The following MAFK variants were observed in gnomAD, a reference collection of about 807,000 sequenced individuals.
MAFK encodes transcription factor MafK.
Under a neutral mutation model 9.2 loss-of-function variants are expected in MAFK, and 1 was observed. That is an observed-to-expected ratio of 0.11 (90% CI 0.04 to 0.52). The LOEUF (loss-of-function observed/expected upper bound fraction) is 0.52. Among genes scored for constraint, MAFK ranks in the 20% least tolerant of loss-of-function variants. The pLI, the probability that MAFK is intolerant of heterozygous loss-of-function variation, is 0.94. For missense variants in MAFK, 207 were observed against 236.0 expected, an observed-to-expected ratio of 0.88 and a Z score of 0.81; for synonymous variants, 110 against 107.4, an observed-to-expected ratio of 1.02 and a Z score of -0.15.
rs1783885890 is a variant in MAFK at position 1,530,866 on chromosome 7, C to A, written c.-77C>A. 7.0e-6 allele frequency: 1 copy of A among 143,588 alleles called. No homozygotes were observed. Among genetic ancestry groups the A allele is most frequent in the Admixed American group, 6.9e-5 (1 of 14,502 alleles). 8.9% of individuals were successfully genotyped at this position (143,588 alleles called of 1,614,324 possible). A position where few individuals can be genotyped will look rare whatever the true frequency, so the allele number is the denominator to read the frequency against. On this transcript the variant is annotated 5_prime_UTR_variant, in exon 1 of 3. Coordinates refer to ENST00000343242, the MANE Select transcript of MAFK (RefSeq NM_002360.4). ...AGGACAGCGCGTGCCCGCGAGGAGC[C>A]GCCGCGCGCCCGCGCCCTCCGCGCG...
rs778713521 is a variant in MAFK, at chr7:1,540,277, C to G, written c.373C>G (p.Pro125Ala). 5 of 1,611,462 alleles carry G rather than the reference C, an allele frequency of 3.1e-6. No individual in the cohort carries two copies. Among genetic ancestry groups the G allele is most frequent in the Non-Finnish European group, 8.5e-7 (1 of 1,179,332 alleles). ...QTFARTVARG[P>A]VAPSKVATTS... ...CTTCGCGCGCACCGTGGCCCGGGGA[C>G]CTGTGGCGCCCTCCAAGGTGGCCAC... Residue 125 changes from proline to alanine, a missense_variant, in exon 3 of 3, where the codon CCT (proline) becomes GCT (alanine). Physicochemically the swap from Pro to Ala is conservative, Grantham distance 27. Coordinates refer to ENST00000343242, the MANE Select transcript of MAFK (RefSeq NM_002360.4).
At chr7:1,535,386 G>A (rs1197479063) in intron 1 of MAFK, among the ~76,000 whole-genome samples, 1 of 152,208 alleles carries the variant, frequency 6.6e-6, no homozygotes, top group Non-Finnish European at 1.5e-5. Flanking sequence ...CGGGCATGGT[G>A]GCTCATACCT....
rs1784172178 is a variant in MAFK, at chr7:1,541,032, A to G, written c.*657A>G. ...CTGTGTGTGTGCACGCACGCCTGCCATCAAAGCAGCAGGGCTGAGGGGGTG... is the reference window on the plus strand; with the variant it reads ...CTGTGTGTGTGCACGCACGCCTGCCGTCAAAGCAGCAGGGCTGAGGGGGTG... On this transcript the variant is annotated 3_prime_UTR_variant, in exon 3 of 3. Transcript: ENST00000343242. 1 of 153,434 alleles carries G rather than the reference A, an allele frequency of 6.5e-6. No homozygotes were observed. Among genetic ancestry groups the G allele is most frequent in the Non-Finnish European group, 1.5e-5 (1 of 68,546 alleles). The allele number at this position is 153,434 out of a possible 1,614,324, so 9.5% of individuals were successfully genotyped here. A position where few individuals can be genotyped will look rare whatever the true frequency, so the allele number is the denominator to read the frequency against.
intron 1 of MAFK, among the ~76,000 whole-genome samples, chr7:1,531,131 T>C (rs1375048554): frequency 6.8e-6 from 1 of 148,060 alleles, no homozygotes; most frequent in Non-Finnish European, 1.5e-5. Context: ...CGAGGCTCTC[T>C]CCCCTGCACG....
At position 1,540,916 on chromosome 7, in the gene MAFK, G is replaced by A. The variant is rs1188941792; in HGVS notation, c.*541G>A. 1 of 157,698 alleles carries A rather than the reference G, an allele frequency of 6.3e-6. No homozygotes were observed. The highest frequency in any genetic ancestry group is 1.4e-5 in the Non-Finnish European group (1 of 71,724). 9.8% of individuals were successfully genotyped at this position (157,698 alleles called of 1,614,324 possible). A position where few individuals can be genotyped will look rare whatever the true frequency, so the allele number is the denominator to read the frequency against. ...TGTCGGCAGCTCCGTCCTTCCAGCT[G>A]TCCCGTTGCAGTGCCCGTGATCCGC... On this transcript the variant is annotated 3_prime_UTR_variant, in exon 3 of 3. Transcript: ENST00000343242.
At position 1,534,551 on chromosome 7, in the gene MAFK, CTCCG is replaced by C; in HGVS notation, c.-45+3655_-45+3658del. 2.2e-6 allele frequency: 1 copy of C among 456,188 alleles called. No homozygotes were observed. The allele number at this position is 456,188 out of a possible 1,614,324, so 28.3% of individuals were successfully genotyped here. A position where few individuals can be genotyped will look rare whatever the true frequency, so the allele number is the denominator to read the frequency against. On this transcript the variant is annotated intron_variant, in intron 1 of 2. Coordinates refer to ENST00000343242, the MANE Select transcript of MAFK (RefSeq NM_002360.4). This position sits in a 1 kb window ranked among gnomAD's most constrained non-coding sequence, Gnocchi z 4.3. ...GTGTCTCTCGCACAGAGCTCCCGTC[CTCCG>C]TTCCTGGTCTTCCTCCTGCCCCTCC...
chr7:1,536,825 C>T (rs2128551588), intron 1 of MAFK, among the ~76,000 whole-genome samples: 1 of 152,350 alleles, frequency 6.6e-6, no homozygotes, highest in South Asian at 2.1e-4. Context: ...GGCCGTCCCG[C>T]TGCGTCGTCT....
intron 1 of MAFK, among the ~76,000 whole-genome samples, chr7:1,533,849 C>T (rs1033488669): frequency 1.3e-5 from 2 of 151,994 alleles, no homozygotes; most frequent in Non-Finnish European, 2.9e-5. Context: ...AGGCTGGGAG[C>T]GGATTGAAGC....
rs1395803238 is a variant in MAFK at position 1,534,174 on chromosome 7, C to T, written c.-45+3276C>T. 1 of 449,872 alleles carries T rather than the reference C, an allele frequency of 2.2e-6. No homozygotes were observed. The highest frequency in any genetic ancestry group is 4.5e-6 in the Non-Finnish European group (1 of 222,124). The allele number at this position is 449,872 out of a possible 1,614,324, so 27.9% of individuals were successfully genotyped here. A position where few individuals can be genotyped will look rare whatever the true frequency, so the allele number is the denominator to read the frequency against. ...GGGGTGCCAAGTGGGGTGCCTCCCGCATGCTTAGTGGGGCTGTGTCCGGGA... is the reference window on the plus strand; with the variant it reads ...GGGGTGCCAAGTGGGGTGCCTCCCGTATGCTTAGTGGGGCTGTGTCCGGGA... On this transcript the variant is annotated intron_variant, in intron 1 of 2. Coordinates refer to ENST00000343242, the MANE Select transcript of MAFK (RefSeq NM_002360.4). This position sits in a 1 kb window ranked among gnomAD's most constrained non-coding sequence, Gnocchi z 4.3.
Position 1,540,682 on chromosome 7 carries a change from C to G in MAFK, c.*307C>G, listed in dbSNP as rs1172685769. On this transcript the variant is annotated 3_prime_UTR_variant, in exon 3 of 3. Coordinates refer to ENST00000343242, the MANE Select transcript of MAFK (RefSeq NM_002360.4). Reference sequence around the variant, plus strand: ...AGTCGGGACATATAATGGAAAGGCCCTCGGGAAGTTCCGCGTCCTCTGTGG... The same window carrying G: ...AGTCGGGACATATAATGGAAAGGCCGTCGGGAAGTTCCGCGTCCTCTGTGG... 2 of 378,598 alleles carry G rather than the reference C, an allele frequency of 5.3e-6. No individual in the cohort carries two copies. The highest frequency in any genetic ancestry group is 9.0e-5 in the Admixed American group (2 of 22,104). 23.5% of individuals were successfully genotyped at this position (378,598 alleles called of 1,614,324 possible).
chr7:1,537,657 G>C, intron 1 of MAFK: 1 of 985,576 alleles, frequency 1.0e-6, no homozygotes, highest in Non-Finnish European at 1.2e-6. Context: ...GGCCTTGGCA[G>C]GGGCAGCGGA....
At position 1,534,471 on chromosome 7, in the gene MAFK, C is replaced by A; in HGVS notation, c.-45+3573C>A. On this transcript the variant is annotated intron_variant, in intron 1 of 2. Transcript: ENST00000343242. This position sits in a 1 kb window ranked among gnomAD's most constrained non-coding sequence, Gnocchi z 4.3. ...TGTGGATTGCACCTGCCGTGGGAGT[C>A]ACTGGTCGGGGGGCGGGAGGGCGCT... is the stretch of plus-strand genomic sequence containing the variant. The A allele has an allele frequency of 4.6e-6, 2 of 437,246 alleles. No individual in the cohort carries two copies. The highest frequency in any genetic ancestry group is 3.2e-5 in the South Asian group (2 of 62,646). The allele number at this position is 437,246 out of a possible 1,614,324, so 27.1% of individuals were successfully genotyped here.
Position 1,534,478 on chromosome 7 carries a change from CGGG to C in MAFK, c.-45+3584_-45+3586del, listed in dbSNP as rs949127858. 2.3e-6 allele frequency: 1 copy of C among 437,624 alleles called. No individual in the cohort carries two copies. The highest frequency in any genetic ancestry group is 2.0e-5 in the African/African-American group (1 of 49,698). The allele number at this position is 437,624 out of a possible 1,614,324, so 27.1% of individuals were successfully genotyped here. ...TGCACCTGCCGTGGGAGTCACTGGT[CGGG>C]GGGCGGGAGGGCGCTTGCTGCTGTG... On this transcript the variant is annotated intron_variant, in intron 1 of 2. Transcript: ENST00000343242. This position sits in a 1 kb window ranked among gnomAD's most constrained non-coding sequence, Gnocchi z 4.3.
In MAFK at chr7:1,541,706, C is replaced by T. The variant is rs578080312; in HGVS notation, c.*1331C>T. On this transcript the variant is annotated 3_prime_UTR_variant, in exon 3 of 3. Transcript: ENST00000343242. ...CTGGCCTCAGCACTCAGTCCTCACC[C>T]GGAGCCTTTGCCTGCTCCTCCTTCC... is the stretch of plus-strand genomic sequence containing the variant. 2.0e-5 allele frequency: 3 copies of T among 152,316 alleles called. No individual in the cohort carries two copies. The highest frequency in any genetic ancestry group is 4.8e-5 in the African/African-American group (2 of 41,552). 9.4% of individuals were successfully genotyped at this position (152,316 alleles called of 1,614,324 possible). A position where few individuals can be genotyped will look rare whatever the true frequency, so the allele number is the denominator to read the frequency against.
chr7:1,539,212 C>T lies in MAFK; in HGVS notation c.20C>T (p.Pro7Leu), dbSNP rs369749183. 8.1e-6 allele frequency: 13 copies of T among 1,611,782 alleles called. No homozygotes were observed. Among genetic ancestry groups the T allele is most frequent in the Non-Finnish European group, 1.1e-5 (13 of 1,179,154 alleles). MTTNPK[P>L]NKALKVKKEA... ...CGGGTTATGACGACTAATCCCAAAC[C>T]GAATAAGGCATTAAAGGTAAGGCTG... Residue 7 changes from proline to leucine, a missense_variant, in exon 2 of 3, where the codon CCG becomes CTG. Physicochemically the swap from Pro to Leu is moderately conservative, Grantham distance 98. Transcript: ENST00000343242.
chr7:1,530,744 G>T lies in MAFK; in HGVS notation c.-199G>T, dbSNP rs543492928. 5.5e-4 allele frequency: 83 copies of T among 149,870 alleles called. No homozygotes were observed. In the South Asian group the frequency reaches 0.012, roughly 22 times the overall value. 9.3% of individuals were successfully genotyped at this position (149,870 alleles called of 1,614,324 possible). A position where few individuals can be genotyped will look rare whatever the true frequency, so the allele number is the denominator to read the frequency against. ...CGGGCGGGCGGGTGCGGTGGCGGCG[G>T]GCGGCGCGGGGGCACTTGTTGTTCT... On this transcript the variant is annotated 5_prime_UTR_variant, in exon 1 of 3. Coordinates refer to ENST00000343242, the MANE Select transcript of MAFK (RefSeq NM_002360.4).
At chr7:1,538,408 G>A (rs1051972256) in intron 1 of MAFK, 1 of 984,330 alleles carries the variant, frequency 1.0e-6, no homozygotes, top group African/African-American at 1.7e-5. Context: ...TCGCTCGGGG[G>A]CAGCTTAGGT....
intron 1 of MAFK, among the ~76,000 whole-genome samples, chr7:1,531,168 CG>C (rs1292060487): frequency 1.3e-5 from 2 of 148,494 alleles, no homozygotes; most frequent in Non-Finnish European, 3.0e-5. Context: ...CTTGCCGCGC[CG>C]GGGGCCCCAG....
Position 1,532,240 on chromosome 7 carries a change from C to T in MAFK, c.-45+1342C>T, listed in dbSNP as rs1442418442. On this transcript the variant is annotated intron_variant, in intron 1 of 2. Transcript: ENST00000343242. This position sits in a 1 kb window ranked among gnomAD's most constrained non-coding sequence, Gnocchi z 4.5. ...GGGTGCCCTATGCAGCTTCTCCAAA[C>T]CCAATGTCTTCAGGGACATGGAGCA... is the stretch of plus-strand genomic sequence containing the variant. 1.3e-5 allele frequency among the ~76,000 whole-genome samples: 2 copies of T among 152,228 alleles called. No homozygotes were observed. The highest frequency in any genetic ancestry group is 6.5e-5 in the Admixed American group (1 of 15,288).
Sources: gnomAD v4.1 joint callset for allele counts (sites outside exome capture counted in the v4.1 genomes callset) on GRCh38, gnomAD v4.1.1 for gene constraint, Gnocchi (gnomAD v3.1) non-coding constraint, MANE v1.5 for transcripts, NCBI Gene and HGNC (gene_info 2026-07-23, HGNC 2026-07-21) for gene names.